HOOK1: variants seen among roughly 807,000 people sequenced by gnomAD.
The protein encoded by HOOK1 is protein Hook homolog 1.
In HOOK1, 60 loss-of-function variants were observed where a neutral mutation model predicts 112.8. The observed-to-expected ratio is 0.53, with a 90% confidence interval of 0.43 to 0.66. HOOK1 has a LOEUF of 0.66. Among genes scored for constraint, HOOK1 ranks in the 30% least tolerant of loss-of-function variants. The pLI is 0.00. For missense variants in HOOK1, 770 were observed against 856.0 expected (o/e 0.90, Z 1.25); for synonymous variants, 294 against 283.8 (o/e 1.04, Z -0.36).
intron 13 of HOOK1, 101 bp from the exon 14 acceptor site, chr1:59,858,884 C>T (rs1162247390): frequency 2.6e-5 from 15 of 582,108 alleles, no homozygotes; most frequent in African/African-American, 7.9e-5. Flanking sequence ...GAGACCCTAT[C>T]GAAAGAAAGA....
At chr1:59,850,344 A>G (rs1442668467) in intron 12 of HOOK1, among the ~76,000 whole-genome samples, 1 of 150,728 alleles carries the variant, frequency 6.6e-6, no homozygotes, top group Non-Finnish European at 1.5e-5. Flanking sequence ...TTGATGATAT[A>G]GTTTGCAGCA....
At chr1:59,862,759 A>G (rs746446980) in intron 15 of HOOK1, 25 bp from the exon 16 acceptor site, 1 of 1,423,058 alleles carries the variant, frequency 7.0e-7, no homozygotes, top group Non-Finnish European at 9.9e-7. Flanking sequence ...ATACAAGTAA[A>G]TGCTTATGAC....
intron 20 of HOOK1, among the ~76,000 whole-genome samples, chr1:59,869,926 C>T (rs1644028809): frequency 6.6e-6 from 1 of 152,176 alleles, no homozygotes; most frequent in Non-Finnish European, 1.5e-5. Flanking sequence ...CATTGGTTTT[C>T]TTTTTGGTAC....
At position 59,836,570 on chromosome 1, in the gene HOOK1, T is replaced by C. The variant is rs372587457; in HGVS notation, c.475-303T>C. Among the ~76,000 whole-genome samples the C allele has an allele frequency of 2.2e-4, 34 of 152,350 alleles. No individual in the cohort carries two copies. In the East Asian group the frequency reaches 2.9e-3, roughly 13 times the overall value. ...ATCCCTTTAAAAATTATTTAATGTG[T>C]TCACTCTTTATCAGTAATATGTCTT... On this transcript the variant is annotated intron_variant, in intron 6 of 21. Transcript: ENST00000371208.
intron 19 of HOOK1, among the ~76,000 whole-genome samples, chr1:59,866,240 A>G (rs988287659): frequency 6.6e-6 from 1 of 152,190 alleles, no homozygotes; most frequent in African/African-American, 2.4e-5. Context: ...GCTATAATGT[A>G]TGGAATCTTT....
rs1644076233 is a variant in HOOK1, at chr1:59,872,779, TG to T, written c.2017-15del. ...TTAGTCATGTTAAATAAAAAATATA[TG>T]TTTTTTTTTTTCAGAGTCTAGCATT... On this transcript the variant is annotated splice_polypyrimidine_tract_variant and intron_variant, in intron 21 of 21. Transcript: ENST00000371208. 5.8e-6 allele frequency: 8 copies of T among 1,373,972 alleles called. No individual in the cohort carries two copies. Among genetic ancestry groups the T allele is most frequent in the Middle Eastern group, 2.2e-4 (1 of 4,496 alleles). The allele number at this position is 1,373,972 out of a possible 1,614,324, so 85.1% of individuals were successfully genotyped here. A position where few individuals can be genotyped will look rare whatever the true frequency, so the allele number is the denominator to read the frequency against.
intron 10 of HOOK1, 127 bp from the exon 11 acceptor site, chr1:59,848,188 C>A (rs12756932): frequency 4.7e-6 from 3 of 635,970 alleles, no homozygotes; most frequent in East Asian, 5.6e-5. Flanking sequence ...TTCCTCTTCT[C>A]ACTCACTCAC....
rs771935658 is a variant in HOOK1, at chr1:59,832,200, GTTA to G, written c.265_267del (p.Tyr89del). 6 of 1,557,916 alleles carry G rather than the reference GTTA, an allele frequency of 3.9e-6. No homozygotes were observed. Among genetic ancestry groups the G allele is most frequent in the Non-Finnish European group, 5.2e-6 (6 of 1,145,640 alleles). Reference sequence around the variant, plus strand: ...AAGAAGGTCCTTCAAGGAATTATGAGTTATTATCATGAGGTATGAAAACCATCT... The same window carrying G: ...AAGAAGGTCCTTCAAGGAATTATGAGTTATCATGAGGTATGAAAACCATCT... On this transcript the variant is annotated inframe_deletion, in exon 4 of 22. Transcript: ENST00000371208.
chr1:59,858,951 C>T, intron 13 of HOOK1, 34 bp from the exon 14 acceptor site: 1 of 1,295,466 alleles, frequency 7.7e-7, no homozygotes, highest in Non-Finnish European at 1.1e-6. Context: ...AGTTGAAATA[C>T]TGAAATGCTA....
chr1:59,836,038 A>T (rs1049841787), intron 6 of HOOK1, among the ~76,000 whole-genome samples: 1 of 152,100 alleles, frequency 6.6e-6, no homozygotes, highest in Non-Finnish European at 1.5e-5. Context: ...CTCTGACCAG[A>T]CAGGAGTTTT....
At chr1:59,845,376 C>G (rs529537843) in intron 9 of HOOK1, among the ~76,000 whole-genome samples, 2 of 152,054 alleles carry the variant, frequency 1.3e-5, no homozygotes, top group South Asian at 4.1e-4. Flanking sequence ...TTTACATCTT[C>G]CTTTCATTAT....
At chr1:59,823,319 C>CA (rs2098387301) in intron 2 of HOOK1, among the ~76,000 whole-genome samples, 2 of 151,858 alleles carry the variant, frequency 1.3e-5, no homozygotes, top group Admixed American at 6.6e-5. Flanking sequence ...GACTCCGTCT[C>CA]AAAAAACAAA....
chr1:59,821,902 G>A lies in HOOK1; in HGVS notation c.108G>A (p.Gln36=). Residue 36 remains glutamine, a synonymous_variant, in exon 2 of 22, where the codon CAG becomes CAA. Transcript: ENST00000371208. ...NTASPCQDVK[Q]LTSGVAMAQV... ...CCTCACCTTGTCAAGATGTCAAACA[G>A]CTGACTAGTGGAGTTGCCATGGCAC... The A allele has an allele frequency of 6.2e-7, 1 of 1,609,078 alleles. No individual in the cohort carries two copies. The highest frequency in any genetic ancestry group is 1.7e-5 in the Admixed American group (1 of 59,126).
chr1:59,815,001 C>T lies in HOOK1; in HGVS notation c.-117C>T. 2 of 1,034,622 alleles carry T rather than the reference C, an allele frequency of 1.9e-6. No individual in the cohort carries two copies. The highest frequency in any genetic ancestry group is 2.1e-5 in the Admixed American group (1 of 46,942). The allele number at this position is 1,034,622 out of a possible 1,614,324, so 64.1% of individuals were successfully genotyped here. A position where few individuals can be genotyped will look rare whatever the true frequency, so the allele number is the denominator to read the frequency against. ...GGGTTCGCGCGTGAGCTGCGCGGGT[C>T]GGGCCTGGTACCGAGCTTTCCTGGG... On this transcript the variant is annotated 5_prime_UTR_variant, in exon 1 of 22. Coordinates refer to ENST00000371208, the MANE Select transcript of HOOK1 (RefSeq NM_015888.6).
rs1487823701 is a variant in HOOK1, at chr1:59,862,825, A to G, written c.1574A>G (p.Glu525Gly). The G allele has an allele frequency of 6.2e-7, 1 of 1,612,398 alleles. No individual in the cohort carries two copies. The highest frequency in any genetic ancestry group is 1.7e-5 in the Admixed American group (1 of 60,000). Residue 525 changes from glutamate (E) to glycine (G), a missense_variant, in exon 16 of 22, where the codon GAG becomes GGG. Glu to Gly is a moderately conservative substitution (Grantham distance 98). This residue lies in a region of HOOK1 where 655 missense variants were observed against 725.9 expected (regional missense o/e 0.90). Transcript: ENST00000371208. The stretch of plus-strand genomic sequence containing the variant: ...ATTAGAGAATTGCAGCAGCAGATTG[A>G]GGACCTCCAGAAATCTTTACAGGAA... ...ERIRELQQQI[E>G]DLQKSLQEQG... is the part of the protein sequence containing the mutation.
At chr1:59,844,705 A>G (rs2098402744) in intron 9 of HOOK1, among the ~76,000 whole-genome samples, 1 of 151,990 alleles carries the variant, frequency 6.6e-6, no homozygotes, top group African/African-American at 2.4e-5. Context: ...CTATGAATGT[A>G]GTCTCATTTA....
chr1:59,870,278 T>A (rs968050923), intron 20 of HOOK1, among the ~76,000 whole-genome samples: 2 of 152,206 alleles, frequency 1.3e-5, no homozygotes, highest in African/African-American at 4.8e-5. Flanking sequence ...TCACAGCACA[T>A]GGGCATTTAA....
chr1:59,849,212 A>G, intron 12 of HOOK1, 29 bp downstream of exon 12: 1 of 1,435,228 alleles, frequency 7.0e-7, no homozygotes, highest in Non-Finnish European at 9.7e-7. Context: ...GATAAGGAAT[A>G]TTTCATTGTT....
chr1:59,821,969 AAAAGC>A, intron 2 of HOOK1, 26 bp downstream of exon 2: 1 of 1,570,296 alleles, frequency 6.4e-7, no homozygotes, highest in South Asian at 1.1e-5. Context: ...ACTCTCCCTG[AAAAGC>A]ATTGTAAACC....
Sources: allele counts gnomAD v4.1 joint callset (sites outside exome capture counted in the v4.1 genomes callset), GRCh38; gene constraint gnomAD v4.1.1; regional missense constraint gnomAD v4.1.1; transcripts MANE v1.5; gene names NCBI Gene and HGNC (gene_info 2026-07-23, HGNC 2026-07-21).